ASIC5: variants seen among roughly 807,000 people sequenced by gnomAD.
ASIC5 encodes the protein bile acid-sensitive ion channel.
ASIC5 carries 52 observed loss-of-function variants against 51.2 expected under a neutral mutation model. The observed-to-expected ratio is 1.02, with a 90% confidence interval of 0.81 to 1.28. The LOEUF is 1.28. Ranked by LOEUF, ASIC5 falls within the 50% of genes most tolerant of loss-of-function variation. The probability of loss-of-function intolerance (pLI) is 0.00; values close to 1 mark genes in which losing one functional copy is unlikely to be tolerated. For missense variants in ASIC5, 635 were observed against 595.0 expected (o/e 1.07, Z -0.70); for synonymous variants, 231 against 200.7 (o/e 1.15, Z -1.28).
At chr4:155,866,132 C>T in intron 1 of ASIC5, 55 bp downstream of exon 1, 1 of 1,147,950 alleles carries the variant, frequency 8.7e-7, no homozygotes, top group Non-Finnish European at 1.3e-6. Context: ...TTTCTTACTT[C>T]TGGCCTCTAG....
At chr4:155,839,777 T>C (rs543609885) in intron 6 of ASIC5, among the ~76,000 whole-genome samples, 2 of 151,020 alleles carry the variant, frequency 1.3e-5, no homozygotes, top group South Asian at 4.2e-4. Context: ...TTTTTCTGAA[T>C]TATTTCTTGC....
chr4:155,835,051 C>A (rs1428120556), intron 8 of ASIC5, among the ~76,000 whole-genome samples: 1 of 152,168 alleles, frequency 6.6e-6, no homozygotes. Context: ...ATCCTTCGAG[C>A]CCGTGTGTAA....
chr4:155,842,479 G>A, intron 5 of ASIC5, 125 bp from the exon 6 acceptor site: 9 of 842,872 alleles, frequency 1.1e-5, no homozygotes, highest in Non-Finnish European at 1.6e-5. Context: ...AACCAAAATT[G>A]GTTACATTTG....
chr4:155,830,106 A>T (rs1160114711), intron 9 of ASIC5, 60 bp from the exon 10 acceptor site: 2 of 1,268,308 alleles, frequency 1.6e-6, no homozygotes, highest in Non-Finnish European at 2.1e-6. Flanking sequence ...AAATATTATT[A>T]GAAGTTAAAT....
intron 4 of ASIC5, 61 bp downstream of exon 4, chr4:155,852,130 A>T: frequency 6.3e-7 from 1 of 1,588,460 alleles, no homozygotes; most frequent in Non-Finnish European, 8.6e-7. Context: ...CAATAGTCTG[A>T]TCAAGTTTTT....
rs1304975016 is a variant in ASIC5 at position 155,866,186 on chromosome 4, C to A, written c.40+1G>T. The A allele has an allele frequency of 1.9e-6, 3 of 1,594,594 alleles. No individual in the cohort carries two copies. Among genetic ancestry groups the A allele is most frequent in the African/African-American group, 1.3e-5 (1 of 74,560 alleles). Reference sequence around the variant, plus strand: ...CTCTGAGGAGTTCACTCTTTACTCACCGTTCTCAGCATATACTTTTGATTT... The same window carrying A: ...CTCTGAGGAGTTCACTCTTTACTCAACGTTCTCAGCATATACTTTTGATTT... On this transcript the variant is annotated splice_donor_variant, in intron 1 of 9. Coordinates refer to ENST00000537611, the MANE Select transcript of ASIC5 (RefSeq NM_017419.3). LOFTEE classifies it high-confidence loss of function.
intron 4 of ASIC5, among the ~76,000 whole-genome samples, chr4:155,845,634 C>A (rs1417953403): frequency 1.3e-5 from 2 of 151,788 alleles, no homozygotes; most frequent in Non-Finnish European, 2.9e-5. Context: ...TGAGCTCTGC[C>A]CAGAGCTTAG....
intron 7 of ASIC5, 92 bp from the exon 8 acceptor site, chr4:155,836,949 T>A: frequency 1.0e-6 from 1 of 992,424 alleles, no homozygotes; most frequent in Non-Finnish European, 1.5e-6. Flanking sequence ...TCACTTTCAA[T>A]ATTAAAAAAA....
In ASIC5 at chr4:155,843,680, C is replaced by T. The variant is rs1375522818; in HGVS notation, c.861+1G>A. The T allele has an allele frequency of 6.2e-7, 1 of 1,613,136 alleles. No individual in the cohort carries two copies. Among genetic ancestry groups the T allele is most frequent in the Non-Finnish European group, 8.5e-7 (1 of 1,179,548 alleles). ...TAATTTCCTCAGACTCGAGTATTTA[C>T]CTTCACTTGGCGGATGGTTACCCTT... On this transcript the variant is annotated splice_donor_variant, in intron 5 of 9. Coordinates refer to ENST00000537611, the MANE Select transcript of ASIC5 (RefSeq NM_017419.3). LOFTEE classifies it high-confidence loss of function.
rs1432876283 is a variant in ASIC5, at chr4:155,842,287, T to C, written c.929A>G (p.Tyr310Cys). The C allele has an allele frequency of 6.2e-7, 1 of 1,613,602 alleles. No individual in the cohort carries two copies. The highest frequency in any genetic ancestry group is 1.3e-5 in the African/African-American group (1 of 75,008). Residue 310 changes from tyrosine to cysteine, a missense_variant, in exon 6 of 10, where the codon TAC (tyrosine) becomes TGC (cysteine). By Grantham distance (194) the Tyr-to-Cys change is radical. Coordinates refer to ENST00000537611, the MANE Select transcript of ASIC5 (RefSeq NM_017419.3). ...TTCCTTCAAGCAACCAGAAGTGCTGTAGCTGCTAAAATTCTGCAGCTTGAT... is the reference window on the plus strand; with the variant it reads ...TTCCTTCAAGCAACCAGAAGTGCTGCAGCTGCTAAAATTCTGCAGCTTGAT... ...PNIKLQNFSS[Y>C]STSGCLKECK...
intron 2 of ASIC5, among the ~76,000 whole-genome samples, chr4:155,861,933 A>G (rs1741718198): frequency 6.6e-6 from 1 of 152,092 alleles, no homozygotes. Flanking sequence ...ATTTTAAAAT[A>G]TGATCATTCT....
Position 155,847,331 on chromosome 4 carries a change from C to T in ASIC5, c.712-3501G>A, listed in dbSNP as rs1376772835. Among the ~76,000 whole-genome samples, 5 of 152,110 alleles carry T rather than the reference C, an allele frequency of 3.3e-5. No homozygotes were observed. The East Asian group carries it at 9.7e-4, about 30-fold the overall frequency. Reference sequence around the variant, plus strand: ...ACATTAAGTTACAGGGCTTTGACTCCAGGGTCTAAAAAGGATACCAAGTCC... The same window carrying T: ...ACATTAAGTTACAGGGCTTTGACTCTAGGGTCTAAAAAGGATACCAAGTCC... On this transcript the variant is annotated intron_variant, in intron 4 of 9. Transcript: ENST00000537611.
At position 155,863,512 on chromosome 4, in the gene ASIC5, A is replaced by G; in HGVS notation, c.283T>C (p.Ser95Pro). 1 of 1,613,732 alleles carries G rather than the reference A, an allele frequency of 6.2e-7. No homozygotes were observed. The highest frequency in any genetic ancestry group is 8.5e-7 in the Non-Finnish European group (1 of 1,179,806). Residue 95 changes from serine (S) to proline (P), a missense_variant, in exon 2 of 10, where the codon TCC becomes CCC. Transcript: ENST00000537611. ...TTTTCCACATATTGAACCTCAATGG[A>G]CGTTGTGGTTGGCCATGTGAAGTAG... is the stretch of plus-strand genomic sequence containing the variant. ...LNYFTWPTTT[S>P]IEVQYVEKME...
intron 2 of ASIC5, chr4:155,859,007 G>A (rs1192223185): frequency 6.6e-6 from 1 of 151,936 alleles, no homozygotes; most frequent in Non-Finnish European, 1.5e-5. Context: ...TTTACAGTAA[G>A]GATCTTGGGG....
intron 9 of ASIC5, among the ~76,000 whole-genome samples, chr4:155,830,402 C>T (rs1432223406): frequency 6.6e-6 from 1 of 152,090 alleles, no homozygotes; most frequent in African/African-American, 2.4e-5. Context: ...CCAGAAGGCA[C>T]TACTGGATGA....
At chr4:155,840,576 AAGC>A (rs1337555927) in intron 6 of ASIC5, among the ~76,000 whole-genome samples, 2 of 151,422 alleles carry the variant, frequency 1.3e-5, no homozygotes, top group Non-Finnish European at 2.9e-5. Flanking sequence ...TCTAACCTCC[AAGC>A]TGTCCTTGTT....
chr4:155,841,920 T>C (rs1209628277), intron 6 of ASIC5, among the ~76,000 whole-genome samples: 2 of 152,128 alleles, frequency 1.3e-5, no homozygotes, highest in Non-Finnish European at 2.9e-5. Context: ...ATATGTTGAT[T>C]TGCTATGTTT....
chr4:155,859,698 C>A (rs1239549211), intron 2 of ASIC5, among the ~76,000 whole-genome samples: 1 of 151,888 alleles, frequency 6.6e-6, no homozygotes, highest in Non-Finnish European at 1.5e-5. Flanking sequence ...TAGAATGTGC[C>A]TATGTCTGAG....
At chr4:155,865,439 CA>C (rs5863179) in intron 1 of ASIC5, among the ~76,000 whole-genome samples, 5,064 of 152,096 alleles carry the variant, frequency 0.033, 186 homozygotes, top group South Asian at 0.1. Context: ...GATAAAAGAA[CA>C]ACTCAGTCTC....
Sources: allele counts gnomAD v4.1 joint callset (sites outside exome capture counted in the v4.1 genomes callset), GRCh38; gene constraint gnomAD v4.1.1; transcripts MANE v1.5; gene names NCBI Gene and HGNC (gene_info 2026-07-23, HGNC 2026-07-21).